Variants in CNTN5 observed in about 807,000 individuals in gnomAD.
CNTN5 encodes contactin-5.
In CNTN5, 77 loss-of-function variants were observed where a neutral mutation model predicts 129.1. That is an observed-to-expected ratio of 0.60 (90% CI 0.50 to 0.72). The LOEUF is 0.72. CNTN5 is among the 30% of genes least tolerant of loss of function. The pLI is 0.00. For synonymous variants in CNTN5, 509 were observed against 465.6 expected, an observed-to-expected ratio of 1.09 and a Z score of -1.20; for missense variants, 1,478 against 1,328.8, an observed-to-expected ratio of 1.11 and a Z score of -1.75.
Position 99,486,225 on chromosome 11 carries a change from G to A in CNTN5, c.-70-69920G>A, listed in dbSNP as rs187061588. 9.7e-4 allele frequency among the ~76,000 whole-genome samples: 148 copies of A among 152,092 alleles called. 2 individuals are homozygous for A. The highest frequency in any genetic ancestry group is 7.6e-3 in the Admixed American group (116 of 15,270). ...CTAGACCAAGTTGATGTCTTTCATA[G>A]AGCATATCAACTTTTAATAAACTAA... On this transcript the variant is annotated intron_variant, in intron 2 of 24. Coordinates refer to ENST00000524871, the MANE Select transcript of CNTN5 (RefSeq NM_014361.4).
At chr11:99,176,333 A>G (rs750644311) in intron 1 of CNTN5, among the ~76,000 whole-genome samples, 3 of 152,120 alleles carry the variant, frequency 2.0e-5, no homozygotes, top group Non-Finnish European at 2.9e-5. Flanking sequence ...CACTTCCTTG[A>G]CATAGAATAC....
chr11:99,751,158 G>A (rs897244107), intron 3 of CNTN5, among the ~76,000 whole-genome samples: 4 of 152,054 alleles, frequency 2.6e-5, no homozygotes, highest in Non-Finnish European at 4.4e-5. Flanking sequence ...CCAACATAGT[G>A]AAATCTCGTC....
At chr11:100,085,042 A>G (rs909401930) in intron 13 of CNTN5, among the ~76,000 whole-genome samples, 4 of 152,096 alleles carry the variant, frequency 2.6e-5, no homozygotes, top group African/African-American at 9.7e-5. Context: ...TATCCTTTTC[A>G]TAGAAGAGAG....
chr11:99,896,281 C>T (rs762065781), intron 6 of CNTN5, among the ~76,000 whole-genome samples: 10 of 152,164 alleles, frequency 6.6e-5, no homozygotes, highest in Admixed American at 1.3e-4. Context: ...AACACACTTA[C>T]TCATCCCCTG....
chr11:99,161,510 A>G (rs1860609126), intron 1 of CNTN5, among the ~76,000 whole-genome samples: 2 of 152,070 alleles, frequency 1.3e-5, no homozygotes, highest in East Asian at 3.9e-4. Context: ...GATGTCTTTG[A>G]GCTCCCAAAA....
At chr11:100,178,957 G>A (rs60143323) in intron 13 of CNTN5, among the ~76,000 whole-genome samples, 4,694 of 152,186 alleles carry the variant, frequency 0.031, 243 homozygotes, top group African/African-American at 0.11. Context: ...TCACATTTTT[G>A]TGGGTACATC....
intron 1 of CNTN5, among the ~76,000 whole-genome samples, chr11:99,130,727 C>T (rs1858892091): frequency 6.6e-6 from 1 of 152,044 alleles, no homozygotes; most frequent in Admixed American, 6.6e-5. Flanking sequence ...CACTCCTCAC[C>T]AAATGCAAAA....
At chr11:99,289,563 T>G (rs1034497231) in intron 1 of CNTN5, among the ~76,000 whole-genome samples, 2 of 151,778 alleles carry the variant, frequency 1.3e-5, no homozygotes, top group African/African-American at 4.8e-5. Context: ...GTTTGAAATA[T>G]TCTTGTCACC....
chr11:99,806,852 A>G (rs1946287758), intron 3 of CNTN5, among the ~76,000 whole-genome samples: 1 of 143,794 alleles, frequency 7.0e-6, no homozygotes, highest in Non-Finnish European at 1.5e-5. Flanking sequence ...AGATACATAA[A>G]TACATAAATA....
chr11:99,905,056 A>G (rs943126766), intron 6 of CNTN5, among the ~76,000 whole-genome samples: 1 of 152,102 alleles, frequency 6.6e-6, no homozygotes, highest in African/African-American at 2.4e-5. Flanking sequence ...TTTATCAGAC[A>G]GATAGATTGC....
In CNTN5 at chr11:100,304,134, G is replaced by A. The variant is rs560112701; in HGVS notation, c.2621-4225G>A. Among the ~76,000 whole-genome samples, 9 of 151,588 alleles carry A rather than the reference G, an allele frequency of 5.9e-5. No individual in the cohort carries two copies. The South Asian group carries it at 1.0e-3, about 17-fold the overall frequency. ...ATGTATCATCGAAATTCATGAACAC[G>A]GTAATGCTGTTCAACATTTTTAATC... On this transcript the variant is annotated intron_variant, in intron 20 of 24. Transcript: ENST00000524871.
rs189337685 is a variant in CNTN5, at chr11:99,856,315, G to A, written c.577+11053G>A. Among the ~76,000 whole-genome samples the A allele has an allele frequency of 3.1e-4, 47 of 152,294 alleles. 1 individual carries two copies. The highest frequency in any genetic ancestry group is 1.1e-3 in the African/African-American group (44 of 41,572). On this transcript the variant is annotated intron_variant, in intron 6 of 24. Transcript: ENST00000524871. ...TCCTCTTCAGCTAACTGCAGTGTCA[G>A]CCTTGGTTCAAATTATAAATGATGC...
intron 2 of CNTN5, among the ~76,000 whole-genome samples, chr11:99,363,251 C>T (rs1387169675): frequency 6.6e-5 from 10 of 152,048 alleles, no homozygotes; most frequent in South Asian, 2.1e-4. Context: ...ACTATCCCTA[C>T]GTATTTTATT....
intron 3 of CNTN5, among the ~76,000 whole-genome samples, chr11:99,714,565 G>T (rs1031299551): frequency 6.6e-6 from 1 of 151,816 alleles, no homozygotes; most frequent in Non-Finnish European, 1.5e-5. Context: ...TGCCATGCTG[G>T]TTTTTTAACA....
At chr11:99,814,257 G>C (rs78480383) in intron 3 of CNTN5, among the ~76,000 whole-genome samples, 3 of 152,068 alleles carry the variant, frequency 2.0e-5, no homozygotes, top group South Asian at 2.1e-4. Flanking sequence ...GAGTGTATGC[G>C]TGTACAGGCA....
intron 1 of CNTN5, among the ~76,000 whole-genome samples, chr11:99,138,447 A>G (rs1292611575): frequency 6.6e-6 from 1 of 152,078 alleles, no homozygotes; most frequent in Non-Finnish European, 1.5e-5. Context: ...ACCCAGGTGC[A>G]TTTTTTACAT....
At chr11:99,357,648 T>G (rs1469313027) in intron 2 of CNTN5, among the ~76,000 whole-genome samples, 1 of 152,058 alleles carries the variant, frequency 6.6e-6, no homozygotes, top group Non-Finnish European at 1.5e-5. Context: ...TCACAGTGAG[T>G]TTTGGCTCAC....
At chr11:99,965,905 G>A (rs181675236) in intron 8 of CNTN5, among the ~76,000 whole-genome samples, 2 of 152,236 alleles carry the variant, frequency 1.3e-5, no homozygotes, top group African/African-American at 4.8e-5. Flanking sequence ...ACACTTTCCT[G>A]AATGTTTTCC....
intron 3 of CNTN5, among the ~76,000 whole-genome samples, chr11:99,704,919 T>A (rs933269875): frequency 2.6e-5 from 4 of 151,316 alleles, no homozygotes; most frequent in African/African-American, 9.7e-5. Context: ...GCCCGGGAAT[T>A]CTTCGTTATA....
Sources: gnomAD v4.1 joint callset for allele counts (sites outside exome capture counted in the v4.1 genomes callset) on GRCh38, gnomAD v4.1.1 for gene constraint, MANE v1.5 for transcripts, NCBI Gene and HGNC (gene_info 2026-07-23, HGNC 2026-07-21) for gene names.